RNLS: variants seen among roughly 807,000 people sequenced by gnomAD.
The protein encoded by RNLS is renalase, FAD dependent amine oxidase.
RNLS carries 39 observed loss-of-function variants against 39.8 expected under a neutral mutation model. The ratio of observed to expected loss-of-function variants is 0.98; its 90% CI spans 0.76 to 1.28. The LOEUF is 1.28. RNLS is among the 50% of genes most tolerant of loss of function. The pLI is 0.00. For missense variants in RNLS, 410 were observed against 413.3 expected (o/e 0.99, Z 0.07); for synonymous variants, 147 against 150.7 (o/e 0.98, Z 0.18).
chr10:88,414,301 T>C (rs1853881706), intron 4 of RNLS, among the ~76,000 whole-genome samples: 1 of 152,152 alleles, frequency 6.6e-6, no homozygotes, highest in African/African-American at 2.4e-5. Context: ...TTGAATGGCT[T>C]CATTTTAGGA....
At chr10:88,310,919 A>T (rs1845335979) in intron 6 of RNLS, among the ~76,000 whole-genome samples, 1 of 151,998 alleles carries the variant, frequency 6.6e-6, no homozygotes, top group African/African-American at 2.4e-5. Context: ...CTGATTTCTA[A>T]TTGTACTGTA....
chr10:88,325,237 A>C (rs1280673440), intron 5 of RNLS, among the ~76,000 whole-genome samples: 2 of 152,192 alleles, frequency 1.3e-5, no homozygotes, highest in Non-Finnish European at 2.9e-5. Context: ...CATAGGCTGT[A>C]CCATTTGCAT....
intron 4 of RNLS, among the ~76,000 whole-genome samples, chr10:88,511,095 G>A (rs1276306465): frequency 1.3e-5 from 2 of 151,518 alleles, no homozygotes; most frequent in Admixed American, 6.6e-5. Flanking sequence ...ATTAAGACGA[G>A]GGAGAAATCT....
chr10:88,315,845 T>TC (rs948183310), intron 5 of RNLS, among the ~76,000 whole-genome samples: 1 of 151,046 alleles, frequency 6.6e-6, no homozygotes, highest in African/African-American at 2.4e-5. Context: ...TTAAATAACA[T>TC]AGTACACATG....
intron 5 of RNLS, among the ~76,000 whole-genome samples, chr10:88,326,484 A>G (rs1390981070): frequency 1.3e-5 from 2 of 152,220 alleles, no homozygotes; most frequent in Admixed American, 6.5e-5. Flanking sequence ...AGATGACTTA[A>G]GGCATCTGGT....
chr10:88,218,217 A>C, the RNLS span, among the ~76,000 whole-genome samples: 1 of 152,222 alleles, frequency 6.6e-6, no homozygotes, highest in South Asian at 2.1e-4. Flanking sequence ...CCTCCATGCT[A>C]AAGCAGATGC....
At chr10:88,377,074 T>G (rs1434049037) in intron 4 of RNLS, among the ~76,000 whole-genome samples, 1 of 152,158 alleles carries the variant, frequency 6.6e-6, no homozygotes, top group East Asian at 1.9e-4. Flanking sequence ...TTTGTATGGC[T>G]TCCTAAAATC....
intron 4 of RNLS, among the ~76,000 whole-genome samples, chr10:88,380,636 GGC>G (rs1554877307): frequency 1.3e-5 from 2 of 151,608 alleles, no homozygotes; most frequent in Non-Finnish European, 2.9e-5. Flanking sequence ...CGCCAGCCTC[GGC>G]CTCCCGAAGT....
intron 4 of RNLS, among the ~76,000 whole-genome samples, chr10:88,494,209 A>G (rs1845043140): frequency 6.6e-6 from 1 of 152,196 alleles, no homozygotes; most frequent in Non-Finnish European, 1.5e-5. Flanking sequence ...AAGTTCCACA[A>G]TAGGAAGTTA....
chr10:88,297,780 GTGT>G (rs1405645989), intron 6 of RNLS, among the ~76,000 whole-genome samples: 1 of 152,150 alleles, frequency 6.6e-6, no homozygotes, highest in African/African-American at 2.4e-5. Context: ...TGGCTAAAGT[GTGT>G]TGTTGTGAAC....
At chr10:88,362,422 AT>A in intron 5 of RNLS, 129 bp downstream of exon 5, 1 of 791,482 alleles carries the variant, frequency 1.3e-6, no homozygotes, top group Non-Finnish European at 1.9e-6. Context: ...GTGACATTAA[AT>A]TTTATCCCCT....
At chr10:88,240,674 C>T in the RNLS span, among the ~76,000 whole-genome samples, 2 of 152,042 alleles carry the variant, frequency 1.3e-5, no homozygotes, top group East Asian at 1.9e-4. Flanking sequence ...TACTGAAATC[C>T]GCCCTCTCCT....
intron 6 of RNLS, among the ~76,000 whole-genome samples, chr10:88,286,144 A>C (rs1843252175): frequency 6.6e-6 from 1 of 152,056 alleles, no homozygotes; most frequent in Non-Finnish European, 1.5e-5. Context: ...TGACCAATAC[A>C]TCCTTCTTCA....
chr10:88,365,239 T>A (rs1205045263), intron 4 of RNLS, among the ~76,000 whole-genome samples: 1 of 147,964 alleles, frequency 6.8e-6, no homozygotes, highest in Non-Finnish European at 1.5e-5. Context: ...ACAAAAACTT[T>A]GTCTTCAGAG....
the RNLS span, among the ~76,000 whole-genome samples, chr10:88,191,736 A>G: frequency 7.9e-5 from 12 of 152,336 alleles, no homozygotes; most frequent in Non-Finnish European, 1.5e-4. Context: ...ATTAGCAGCA[A>G]TGTAGTTATG....
intron 4 of RNLS, among the ~76,000 whole-genome samples, chr10:88,383,085 C>T (rs1851652414): frequency 6.6e-6 from 1 of 152,040 alleles, no homozygotes; most frequent in Non-Finnish European, 1.5e-5. Context: ...GTAATTGAAA[C>T]AGTAGTGTCA....
At chr10:88,439,543 G>C (rs1242628847) in intron 4 of RNLS, among the ~76,000 whole-genome samples, 1 of 152,214 alleles carries the variant, frequency 6.6e-6, no homozygotes, top group Non-Finnish European at 1.5e-5. Flanking sequence ...ATATAAGTAT[G>C]ATTAGGGTCA....
intron 4 of RNLS, among the ~76,000 whole-genome samples, chr10:88,464,740 A>G (rs1178501188): frequency 4.1e-5 from 6 of 144,752 alleles, no homozygotes; most frequent in Admixed American, 1.4e-4. Context: ...GTCATAAAAC[A>G]CTAACAGCAA....
intron 6 of RNLS, among the ~76,000 whole-genome samples, chr10:88,299,128 G>T (rs935571088): frequency 1.3e-5 from 2 of 152,042 alleles, no homozygotes; most frequent in African/African-American, 4.8e-5. Flanking sequence ...TTATTGATTT[G>T]TGAGAGTTCT....
Sources: gnomAD v4.1 joint callset for allele counts (sites outside exome capture counted in the v4.1 genomes callset) on GRCh38, gnomAD v4.1.1 for gene constraint, MANE v1.5 for transcripts, NCBI Gene and HGNC (gene_info 2026-07-23, HGNC 2026-07-21) for gene names.